Variants in RIPOR2 observed in about 807,000 individuals in gnomAD.
RIPOR2 encodes the protein RHO family interacting cell polarization regulator 2.
In RIPOR2, 39 loss-of-function variants were observed where a neutral mutation model predicts 114.5. That is an observed-to-expected ratio of 0.34 (90% CI 0.26 to 0.44). The LOEUF (loss-of-function observed/expected upper bound fraction) is 0.44, where lower values mean the gene tolerates loss of function less well. RIPOR2 is among the 20% of genes least tolerant of loss of function. RIPOR2 has a pLI of 1.00. For missense variants in RIPOR2, 1,007 were observed against 1,255.1 expected, an observed-to-expected ratio of 0.80 and a Z score of 2.99; for synonymous variants, 445 against 484.4, an observed-to-expected ratio of 0.92 and a Z score of 1.07.
intron 2 of RIPOR2, among the ~76,000 whole-genome samples, chr6:24,874,985 G>C (rs951785109): frequency 6.6e-6 from 1 of 152,166 alleles, no homozygotes; most frequent in Non-Finnish European, 1.5e-5. Context: ...AGATGCAGAG[G>C]CTAGGCCACT....
chr6:24,921,114 A>C (rs1383568157), intron 1 of RIPOR2, among the ~76,000 whole-genome samples: 1 of 151,908 alleles, frequency 6.6e-6, no homozygotes, highest in East Asian at 1.9e-4. Context: ...ACAGTAACCT[A>C]TAAGGCTTTA....
chr6:24,945,808 G>A (rs979867753), intron 1 of RIPOR2, among the ~76,000 whole-genome samples: 13 of 151,974 alleles, frequency 8.6e-5, no homozygotes, highest in Admixed American at 1.3e-4. Flanking sequence ...TATCAATTTA[G>A]CACAAATAAT....
At chr6:24,807,844 T>C (rs1418442297) in intron 21 of RIPOR2, among the ~76,000 whole-genome samples, 3 of 152,202 alleles carry the variant, frequency 2.0e-5, no homozygotes, top group Admixed American at 6.5e-5. Context: ...CCCTTTGTCA[T>C]AGGGCATTTT....
chr6:25,024,305 C>T (rs1476990070), intron 1 of RIPOR2: 2 of 1,523,498 alleles, frequency 1.3e-6, no homozygotes, highest in African/African-American at 2.7e-5. Context: ...CCTCAATGAA[C>T]ACCTTTTTGG....
chr6:24,806,540 A>G (rs1409638353), intron 21 of RIPOR2, 67 bp from the exon 22 acceptor site: 1 of 1,201,368 alleles, frequency 8.3e-7, no homozygotes, highest in Admixed American at 2.4e-5. Context: ...TCAAAGTAAC[A>G]TAGTGCCATT....
chr6:24,822,552 C>T (rs1334258913), intron 19 of RIPOR2, among the ~76,000 whole-genome samples: 1 of 151,900 alleles, frequency 6.6e-6, no homozygotes, highest in Non-Finnish European at 1.5e-5. Context: ...AGTTCTTGCT[C>T]TTGTCACCCA....
chr6:24,836,071 A>G, intron 14 of RIPOR2, 200 bp from the exon 15 acceptor site: 1 of 565,710 alleles, frequency 1.8e-6, no homozygotes, highest in Non-Finnish European at 3.2e-6. Flanking sequence ...AGGACATGCA[A>G]ACAAATTGCT....
intron 13 of RIPOR2, among the ~76,000 whole-genome samples, chr6:24,841,759 A>G (rs1471451170): frequency 6.6e-6 from 1 of 152,022 alleles, no homozygotes; most frequent in Admixed American, 6.6e-5. Flanking sequence ...TTGGGACTAC[A>G]GGTGTGTGCC....
chr6:24,995,670 C>A (rs1333185070), intron 1 of RIPOR2, among the ~76,000 whole-genome samples: 1 of 152,144 alleles, frequency 6.6e-6, no homozygotes, highest in East Asian at 1.9e-4. Context: ...TCAAGTCATT[C>A]TTTATATTGT....
intron 1 of RIPOR2, among the ~76,000 whole-genome samples, chr6:24,895,338 C>T (rs1383499379): frequency 3.9e-5 from 6 of 152,052 alleles, no homozygotes; most frequent in Non-Finnish European, 7.4e-5. Flanking sequence ...CGTGAGCCAC[C>T]GCACCCGGCA....
In RIPOR2 at chr6:24,809,592, C is replaced by CG. The variant is rs1039243535; in HGVS notation, c.3043+124dup. On this transcript the variant is annotated intron_variant, in intron 21 of 21. Transcript: ENST00000643898. ...CTGTGTGTGAGAAGACAGCCTACAGCGGGGAAACTGCTAAACAGGGTACAT... is the reference window on the plus strand; with the variant it reads ...CTGTGTGTGAGAAGACAGCCTACAGCGGGGGAAACTGCTAAACAGGGTACAT... The CG allele has an allele frequency of 3.4e-5, 23 of 671,076 alleles. No homozygotes were observed. The African/African-American group carries it at 4.1e-4, about 12-fold the overall frequency. The allele number at this position is 671,076 out of a possible 1,614,324, so 41.6% of individuals were successfully genotyped here.
At chr6:25,022,519 T>C (rs1581967103) in intron 1 of RIPOR2, among the ~76,000 whole-genome samples, 2 of 147,960 alleles carry the variant, frequency 1.4e-5, no homozygotes, top group African/African-American at 5.0e-5. Flanking sequence ...ATATAACTAA[T>C]GTGGTACCTT....
At chr6:24,872,997 G>A (rs376922885) in intron 3 of RIPOR2, 38 bp from the exon 4 acceptor site, 11 of 1,389,652 alleles carry the variant, frequency 7.9e-6, no homozygotes, top group African/African-American at 5.7e-5. Context: ...TAATCTCTGC[G>A]CCTGTTAAGT....
At chr6:25,004,421 T>G (rs1775455626) in intron 1 of RIPOR2, among the ~76,000 whole-genome samples, 1 of 152,188 alleles carries the variant, frequency 6.6e-6, no homozygotes, top group Admixed American at 6.5e-5. Context: ...CAGTTCTCCT[T>G]GGCCTGGAGA....
intron 19 of RIPOR2, among the ~76,000 whole-genome samples, chr6:24,821,127 C>T (rs1192731844): frequency 6.6e-6 from 1 of 151,596 alleles, no homozygotes; most frequent in Non-Finnish European, 1.5e-5. Flanking sequence ...CCCTCCTCAG[C>T]CTCCCAAAGT....
chr6:24,843,526 T>C lies in RIPOR2; in HGVS notation c.1193A>G (p.Asn398Ser). The change falls in exon 13 of 22, where the codon AAT (asparagine) becomes AGT (serine). Residue 398 changes from asparagine to serine, a missense_variant. Transcript: ENST00000643898. ...CATTTTCTCCTCGGCTGCCTTTCCA[T>C]TTTCAAAGATGTCATCAGGTAGATT... ...FSNLPDDIFE[N>S]GKAAEEKMPL... The C allele has an allele frequency of 1.3e-6, 2 of 1,527,548 alleles. No individual in the cohort carries two copies. The highest frequency in any genetic ancestry group is 1.8e-6 in the Non-Finnish European group (2 of 1,136,696). 94.6% of individuals were successfully genotyped at this position (1,527,548 alleles called of 1,614,324 possible). A position where few individuals can be genotyped will look rare whatever the true frequency, so the allele number is the denominator to read the frequency against.
chr6:24,957,888 A>G (rs368139481), intron 1 of RIPOR2, among the ~76,000 whole-genome samples: 13 of 152,344 alleles, frequency 8.5e-5, no homozygotes, highest in African/African-American at 3.1e-4. Context: ...AAAACAAAAA[A>G]GCAAAAACAA....
intron 1 of RIPOR2, among the ~76,000 whole-genome samples, chr6:24,901,381 C>A (rs998600711): frequency 4.6e-5 from 7 of 151,772 alleles, no homozygotes; most frequent in Non-Finnish European, 1.0e-4. Context: ...CAAAACCAAA[C>A]CAAAACAAAA....
intron 1 of RIPOR2, among the ~76,000 whole-genome samples, chr6:24,951,597 T>C (rs938258792): frequency 5.3e-5 from 8 of 152,218 alleles, no homozygotes; most frequent in African/African-American, 9.6e-5. Flanking sequence ...GCTACTCTAG[T>C]TGTTTTTCCC....
Sources: gnomAD v4.1 joint callset for allele counts (sites outside exome capture counted in the v4.1 genomes callset) on GRCh38, gnomAD v4.1.1 for gene constraint, MANE v1.5 for transcripts, NCBI Gene and HGNC (gene_info 2026-07-23, HGNC 2026-07-21) for gene names.